EVX1: variants seen among roughly 807,000 people sequenced by gnomAD.
EVX1 encodes the protein even-skipped homeobox 1.
A neutral mutation model predicts 28.6 loss-of-function variants in EVX1; 19 were observed. The ratio of observed to expected loss-of-function variants is 0.67; its 90% CI spans 0.46 to 0.98. The LOEUF is 0.98. EVX1 is among the 50% of genes least tolerant of loss of function. EVX1 has a pLI of 0.00. For missense variants in EVX1, 660 were observed against 583.0 expected (o/e 1.13, Z -1.36); for synonymous variants, 324 against 278.2 (o/e 1.16, Z -1.64).
chr7:27,246,269 G>T lies in EVX1; in HGVS notation c.1068G>T (p.Pro356=), dbSNP rs774399707. The change falls in exon 3 of 3, where the codon CCG becomes CCT. Residue 356 remains proline, a synonymous_variant. Coordinates refer to ENST00000496902, the MANE Select transcript of EVX1 (RefSeq NM_001989.5). ...PCSCLACHSG[P]ANGLAPRAAA... ...CCTGCCTCGCCTGTCACAGCGGCCC[G>T]GCCAACGGGCTGGCGCCCCGGGCTG... The T allele has an allele frequency of 6.1e-5, 96 of 1,565,912 alleles. No homozygotes were observed. The highest frequency in any genetic ancestry group is 1.8e-4 in the South Asian group (16 of 86,622).
rs141244113 is a variant in EVX1 at position 27,245,082 on chromosome 7, C to A, written c.462C>A (p.Asn154Lys). The A allele has an allele frequency of 5.6e-6, 9 of 1,612,572 alleles. No homozygotes were observed. The African/African-American group carries it at 9.3e-5, about 17-fold the overall frequency. The change falls in exon 2 of 3, where the codon AAC becomes AAA. Residue 154 changes from asparagine to lysine, a missense_variant. Around this residue, in one of 3 missense-constraint regions of EVX1, gnomAD observed 308 missense variants for 256.6 expected, o/e 1.20. Coordinates refer to ENST00000496902, the MANE Select transcript of EVX1 (RefSeq NM_001989.5). The stretch of plus-strand genomic sequence containing the variant: ...CCGAGGCGCTGGTCGGCAGTCCGAA[C>A]GGAGGGAGCGAGACCCCCAAGAGCA... ...SGSEALVGSPNGGSETPKSNG... is the reference protein window; with the variant it reads ...SGSEALVGSPKGGSETPKSNG...
chr7:27,245,272 G>A lies in EVX1; in HGVS notation c.652G>A (p.Ala218Thr). The A allele has an allele frequency of 6.2e-7, 1 of 1,613,376 alleles. No individual in the cohort carries two copies. Among genetic ancestry groups the A allele is most frequent in the Non-Finnish European group, 8.5e-7 (1 of 1,180,036 alleles). The change falls in exon 2 of 3, where the codon GCC becomes ACC. Residue 218 changes from alanine (A) to threonine (T), a missense_variant. This residue lies in a region of EVX1 where 53 missense variants were observed against 85.1 expected (regional missense o/e 0.62). Transcript: ENST00000496902. ...CAGGCCGCGGAGATGTGAGCTGGCG[G>A]CCGCCCTAAACCTGCCGGAAACCAC... ...VSRPRRCELAAALNLPETTIK... is the reference protein window; with the variant it reads ...VSRPRRCELATALNLPETTIK...
rs1562534449 is a variant in EVX1 at position 27,243,476 on chromosome 7, C to T, written c.427+19C>T. ...AGCAAAGGTAGCCACCGTGCCCCTC[C>T]GCTCCCCGGGCCTCCCACTGCGCCC... is the stretch of plus-strand genomic sequence containing the variant. On this transcript the variant is annotated intron_variant, in intron 1 of 2. Coordinates refer to ENST00000496902, the MANE Select transcript of EVX1 (RefSeq NM_001989.5). 1 of 1,554,606 alleles carries T rather than the reference C, an allele frequency of 6.4e-7. No individual in the cohort carries two copies. The highest frequency in any genetic ancestry group is 8.7e-7 in the Non-Finnish European group (1 of 1,153,880).
intron 1 of EVX1, 110 bp downstream of exon 1, chr7:27,243,567 G>C (rs1000998666): frequency 1.6e-6 from 2 of 1,212,312 alleles, no homozygotes; most frequent in Admixed American, 5.9e-5. Context: ...TGGCTGGGGG[G>C]ACCCACCTGA....
chr7:27,243,757 C>T (rs747667583), intron 1 of EVX1: 1 of 328,352 alleles, frequency 3.0e-6, no homozygotes, highest in Non-Finnish European at 5.5e-6. Context: ...TCGGGGAATG[C>T]TTCAATTGCT....
In EVX1 at chr7:27,245,910, A is replaced by G; in HGVS notation, c.709A>G (p.Lys237Glu). The change falls in exon 3 of 3, where the codon AAG becomes GAG. Residue 237 changes from lysine to glutamate, a missense_variant. Coordinates refer to ENST00000496902, the MANE Select transcript of EVX1 (RefSeq NM_001989.5). ...IKVWFQNRRMKDKRQRLAMTW... is the reference protein window; with the variant it reads ...IKVWFQNRRMEDKRQRLAMTW... ...GGTGTGGTTCCAGAACCGGCGCATG[A>G]AGGACAAGCGGCAGCGCCTGGCCAT... 1.9e-6 allele frequency: 3 copies of G among 1,612,006 alleles called. No individual in the cohort carries two copies. Among genetic ancestry groups the G allele is most frequent in the Non-Finnish European group, 2.5e-6 (3 of 1,179,804 alleles).
chr7:27,245,290 G>C lies in EVX1; in HGVS notation c.670G>C (p.Glu224Gln). ...GCTGGCGGCCGCCCTAAACCTGCCGGAAACCACCATCAAGGTATGCGGGGT... is the reference window on the plus strand; with the variant it reads ...GCTGGCGGCCGCCCTAAACCTGCCGCAAACCACCATCAAGGTATGCGGGGT... ...CELAAALNLP[E>Q]TTIKVWFQNR... is the part of the protein sequence containing the mutation. Residue 224 changes from glutamate to glutamine, a missense_variant, in exon 2 of 3, where the codon GAA (glutamate) becomes CAA (glutamine). Around this residue, in one of 3 missense-constraint regions of EVX1, gnomAD observed 53 missense variants for 85.1 expected, o/e 0.62. Transcript: ENST00000496902. 6.2e-7 allele frequency: 1 copy of C among 1,613,350 alleles called. No individual in the cohort carries two copies. The highest frequency in any genetic ancestry group is 8.5e-7 in the Non-Finnish European group (1 of 1,180,042).
chr7:27,243,796 C>T (rs1783093678), intron 1 of EVX1: 1 of 230,254 alleles, frequency 4.3e-6, no homozygotes, highest in Non-Finnish European at 8.3e-6. Flanking sequence ...CAGGCGAGGG[C>T]AAGATCAAAC....
intron 2 of EVX1, among the ~76,000 whole-genome samples, 165 bp downstream of exon 2, chr7:27,245,469 C>T (rs771725541): frequency 2.6e-5 from 4 of 152,256 alleles, no homozygotes; most frequent in Non-Finnish European, 4.4e-5. Flanking sequence ...GCATTGCTGC[C>T]ATGTGGCTGA....
chr7:27,242,914 C>T lies in EVX1; in HGVS notation c.-117C>T, dbSNP rs1488322414. 8.4e-7 allele frequency: 1 copy of T among 1,185,438 alleles called. No individual in the cohort carries two copies. Among genetic ancestry groups the T allele is most frequent in the Non-Finnish European group, 1.1e-6 (1 of 880,228 alleles). 73.4% of individuals were successfully genotyped at this position (1,185,438 alleles called of 1,614,324 possible). On this transcript the variant is annotated 5_prime_UTR_variant, in exon 1 of 3. Transcript: ENST00000496902. ...TCCAGCAGCTCCGCGCCCTCCCAGGCACCCGGCCTTTCTTTCTCCCTCTTG... is the reference window on the plus strand; with the variant it reads ...TCCAGCAGCTCCGCGCCCTCCCAGGTACCCGGCCTTTCTTTCTCCCTCTTG...
In EVX1 at chr7:27,243,133, C is replaced by T. The variant is rs895749006; in HGVS notation, c.103C>T (p.Leu35=). The stretch of plus-strand genomic sequence containing the variant: ...TTTGTCCGAAGCCGTGGGCAGCCCG[C>T]TGCCGGAGCCGCCCGAGAAAATGGT... ...SNLSEAVGSP[L]PEPPEKMVPR... is the part of the protein sequence containing the mutation. The change falls in exon 1 of 3, where the codon CTG becomes TTG. Residue 35 remains leucine (L), a synonymous_variant. Coordinates refer to ENST00000496902, the MANE Select transcript of EVX1 (RefSeq NM_001989.5). The T allele has an allele frequency of 1.2e-6, 2 of 1,607,390 alleles. No homozygotes were observed. The highest frequency in any genetic ancestry group is 8.5e-7 in the Non-Finnish European group (1 of 1,177,026).
intron 2 of EVX1, 104 bp downstream of exon 2, chr7:27,245,408 G>T: frequency 6.6e-7 from 1 of 1,507,494 alleles, no homozygotes; most frequent in Non-Finnish European, 9.0e-7. Context: ...TGGGCCTGGG[G>T]TCTCCCTGCC....
Position 27,245,071 on chromosome 7 carries a change from G to C in EVX1, c.451G>C (p.Gly151Arg), listed in dbSNP as rs1783132435. The C allele has an allele frequency of 6.2e-7, 1 of 1,611,928 alleles. No individual in the cohort carries two copies. Among genetic ancestry groups the C allele is most frequent in the Non-Finnish European group, 8.5e-7 (1 of 1,179,820 alleles). Residue 151 changes from glycine (G) to arginine (R), a missense_variant, in exon 2 of 3, where the codon GGC becomes CGC. Gly to Arg is a moderately radical substitution (Grantham distance 125). This residue lies in a region of EVX1 where 308 missense variants were observed against 256.6 expected (regional missense o/e 1.20). Coordinates refer to ENST00000496902, the MANE Select transcript of EVX1 (RefSeq NM_001989.5). ...SKGSGSEALV[G>R]SPNGGSETPK... ...AGGGTCCGGCTCCGAGGCGCTGGTC[G>C]GCAGTCCGAACGGAGGGAGCGAGAC... is the stretch of plus-strand genomic sequence containing the variant.
rs751515921 is a variant in EVX1, at chr7:27,243,295, G to A, written c.265G>A (p.Ala89Thr). 19 of 1,557,754 alleles carry A rather than the reference G, an allele frequency of 1.2e-5. No individual in the cohort carries two copies. In the South Asian group the frequency reaches 2.2e-4, roughly 18 times the overall value. Residue 89 changes from alanine to threonine, a missense_variant, in exon 1 of 3, where the codon GCG becomes ACG. Ala to Thr is a moderately conservative substitution (Grantham distance 58). Around this residue, in one of 3 missense-constraint regions of EVX1, gnomAD observed 308 missense variants for 256.6 expected, o/e 1.20. Transcript: ENST00000496902. The part of the protein sequence containing the change: ...GPGAEPQVAG[A>T]AMLGPGPPAP... The stretch of plus-strand genomic sequence containing the variant: ...GGGCGCCGAGCCCCAGGTAGCTGGG[G>A]CGGCCATGCTCGGCCCAGGACCCCC...
chr7:27,244,381 G>T, intron 1 of EVX1: 4 of 488,944 alleles, frequency 8.2e-6, no homozygotes, highest in African/African-American at 4.4e-5. Flanking sequence ...GCGGGGGGGA[G>T]AAAGACCACC....
chr7:27,242,956 G>A lies in EVX1; in HGVS notation c.-75G>A. The stretch of plus-strand genomic sequence containing the variant: ...TCCCTCTTGCAACCAAGATCCGTCC[G>A]GCCGCTGGAGACCCAGGGAGCCGGG... On this transcript the variant is annotated 5_prime_UTR_variant, in exon 1 of 3. Transcript: ENST00000496902. 1.4e-6 allele frequency: 2 copies of A among 1,394,070 alleles called. No individual in the cohort carries two copies. The highest frequency in any genetic ancestry group is 2.0e-4 in the Middle Eastern group (1 of 5,024). The allele number at this position is 1,394,070 out of a possible 1,614,324, so 86.4% of individuals were successfully genotyped here. A position where few individuals can be genotyped will look rare whatever the true frequency, so the allele number is the denominator to read the frequency against.
At position 27,246,476 on chromosome 7, in the gene EVX1, G is replaced by A. The variant is rs1317900606; in HGVS notation, c.*51G>A. 6.5e-7 allele frequency: 1 copy of A among 1,538,078 alleles called. No homozygotes were observed. Among genetic ancestry groups the A allele is most frequent in the Non-Finnish European group, 8.7e-7 (1 of 1,146,742 alleles). On this transcript the variant is annotated 3_prime_UTR_variant, in exon 3 of 3. Coordinates refer to ENST00000496902, the MANE Select transcript of EVX1 (RefSeq NM_001989.5). ...CATGACGCCCGTGGGGTCACCCCCC[G>A]GCCCCGGGACTCAGCCAGCCTCGCT... is the stretch of plus-strand genomic sequence containing the variant.
At chr7:27,244,623 C>A in intron 1 of EVX1, 1 of 414,614 alleles carries the variant, frequency 2.4e-6, no homozygotes, top group Non-Finnish European at 3.4e-6. Flanking sequence ...CACATAAGAG[C>A]AAGGAAACTC....
chr7:27,245,581 C>G (rs1311884401), intron 2 of EVX1, among the ~76,000 whole-genome samples: 1 of 152,184 alleles, frequency 6.6e-6, no homozygotes, highest in African/African-American at 2.4e-5. Flanking sequence ...ACGCTCTCTG[C>G]GGCCGCAGAC....
Sources: allele counts gnomAD v4.1 joint callset (sites outside exome capture counted in the v4.1 genomes callset), GRCh38; gene constraint gnomAD v4.1.1; regional missense constraint gnomAD v4.1.1; transcripts MANE v1.5; gene names NCBI Gene and HGNC (gene_info 2026-07-23, HGNC 2026-07-21).